GPHN: variants seen among roughly 807,000 people sequenced by gnomAD.
The protein encoded by GPHN is gephyrin.
In GPHN, 17 loss-of-function variants were observed where a neutral mutation model predicts 95.5. The observed-to-expected ratio is 0.18, with a 90% CI of 0.12 to 0.27. The LOEUF (loss-of-function observed/expected upper bound fraction) is 0.27, where lower values mean the gene tolerates loss of function less well. Among genes scored for constraint, GPHN ranks in the 10% least tolerant of loss-of-function variants. The probability of loss-of-function intolerance (pLI) is 1.00; values close to 1 mark genes in which losing one functional copy is unlikely to be tolerated. For missense variants in GPHN, 660 were observed against 978.1 expected, an observed-to-expected ratio of 0.67 and a Z score of 4.34; for synonymous variants, 320 against 322.5, an observed-to-expected ratio of 0.99 and a Z score of 0.08.
At chr14:66,761,165 C>G in intron 2 of GPHN, 1 of 339,048 alleles carries the variant, frequency 2.9e-6, no homozygotes, top group South Asian at 2.5e-5. Context: ...TACAAAACAT[C>G]AGATATTACG....
chr14:66,874,086 C>A, intron 4 of GPHN, among the ~76,000 whole-genome samples: 1 of 152,194 alleles, frequency 6.6e-6, no homozygotes, highest in East Asian at 1.9e-4. Context: ...TGTTCTGCAG[C>A]CTTTGCTAGT....
chr14:67,027,608 C>G (rs2073993084), intron 10 of GPHN, among the ~76,000 whole-genome samples: 1 of 152,200 alleles, frequency 6.6e-6, no homozygotes, highest in South Asian at 2.1e-4. Flanking sequence ...AGATTACAGG[C>G]ATGAGCCACG....
chr14:66,900,912 C>T (rs1322228570), intron 5 of GPHN, among the ~76,000 whole-genome samples: 1 of 151,870 alleles, frequency 6.6e-6, no homozygotes, highest in Non-Finnish European at 1.5e-5. Flanking sequence ...TCCAGCAGTG[C>T]AATTGCTGGA....
chr14:66,583,331 A>C (rs1441353088), intron 1 of GPHN, among the ~76,000 whole-genome samples: 1 of 152,116 alleles, frequency 6.6e-6, no homozygotes, highest in Non-Finnish European at 1.5e-5. Flanking sequence ...CCCAATCTGT[A>C]GGTTGCCTGT....
At chr14:67,316,578 C>G in the GPHN span, among the ~76,000 whole-genome samples, 1 of 151,988 alleles carries the variant, frequency 6.6e-6, no homozygotes, top group Non-Finnish European at 1.5e-5. Flanking sequence ...AAAAGTTGAA[C>G]TATTAAATTT....
chr14:67,552,595 G>T, the GPHN span, among the ~76,000 whole-genome samples: 1 of 152,008 alleles, frequency 6.6e-6, no homozygotes, highest in Non-Finnish European at 1.5e-5. Flanking sequence ...GTGAAACCCC[G>T]TCTCTTCTAA....
the GPHN span, chr14:67,381,599 A>T: frequency 6.2e-7 from 1 of 1,612,306 alleles, no homozygotes; most frequent in East Asian, 2.2e-5. Flanking sequence ...GTAGATATTG[A>T]AGTGGCTTGT....
downstream of GPHN, among the ~76,000 whole-genome samples, chr14:67,184,357 T>C (rs538432853): frequency 6.6e-6 from 1 of 152,238 alleles, no homozygotes; most frequent in African/African-American, 2.4e-5. Flanking sequence ...GGAAAACGCT[T>C]TGGCAGCCTT....
the GPHN span, among the ~76,000 whole-genome samples, chr14:67,341,994 G>A: frequency 4.6e-5 from 7 of 151,682 alleles, no homozygotes; most frequent in East Asian, 7.8e-4. Flanking sequence ...CAGCATGCTC[G>A]TTAAGAGTCA....
At chr14:66,652,715 G>A (rs1003088520) in intron 1 of GPHN, among the ~76,000 whole-genome samples, 7 of 152,108 alleles carry the variant, frequency 4.6e-5, no homozygotes, top group Non-Finnish European at 8.8e-5. Flanking sequence ...AAGCAATTCG[G>A]TGGGGCAATT....
chr14:67,438,196 G>C, the GPHN span, among the ~76,000 whole-genome samples: 3 of 152,172 alleles, frequency 2.0e-5, no homozygotes, highest in African/African-American at 7.2e-5. Context: ...TCTCCCCTGA[G>C]CCTCCCTCCT....
chr14:67,136,059 A>G (rs1217010235), intron 17 of GPHN, among the ~76,000 whole-genome samples: 1 of 152,194 alleles, frequency 6.6e-6, no homozygotes, highest in Non-Finnish European at 1.5e-5. Context: ...TTAGTGTTTT[A>G]ATTGCTTATT....
intron 2 of GPHN, among the ~76,000 whole-genome samples, chr14:66,722,510 C>G (rs1319255167): frequency 2.0e-5 from 3 of 152,126 alleles, no homozygotes; most frequent in Non-Finnish European, 4.4e-5. Flanking sequence ...GTGTAGCTAT[C>G]ATAGCTCACT....
At chr14:67,222,839 G>C in the GPHN span, among the ~76,000 whole-genome samples, 1 of 151,752 alleles carries the variant, frequency 6.6e-6, no homozygotes, top group Non-Finnish European at 1.5e-5. Context: ...CATTTAACTT[G>C]GCATAAGTGA....
chr14:67,557,079 C>T, the GPHN span, among the ~76,000 whole-genome samples: 1 of 152,188 alleles, frequency 6.6e-6, no homozygotes, highest in African/African-American at 2.4e-5. Flanking sequence ...AAATGAGTTT[C>T]TTCTTTGTCA....
intron 2 of GPHN, among the ~76,000 whole-genome samples, chr14:66,681,633 C>T (rs980817176): frequency 7.2e-5 from 11 of 152,070 alleles, no homozygotes; most frequent in South Asian, 4.1e-4. Flanking sequence ...TGATGTTTTA[C>T]ATATGGCACA....
the GPHN span, chr14:67,382,806 T>C: frequency 3.6e-6 from 2 of 549,914 alleles, no homozygotes; most frequent in South Asian, 2.2e-5. Context: ...TGAATTTGCA[T>C]GTGGCATGTC....
the GPHN span, chr14:67,347,346 T>A: frequency 3.7e-6 from 5 of 1,345,052 alleles, no homozygotes; most frequent in Non-Finnish European, 5.3e-6. Context: ...AGAACTTAGT[T>A]CATTTAAAGA....
At chr14:66,544,593 AT>A (rs1430576631) in intron 1 of GPHN, among the ~76,000 whole-genome samples, 1 of 145,196 alleles carries the variant, frequency 6.9e-6, no homozygotes, top group Non-Finnish European at 1.5e-5. Flanking sequence ...TTTTTTTTTA[AT>A]TTATTTATTT....
Sources: gnomAD v4.1 joint callset for allele counts (sites outside exome capture counted in the v4.1 genomes callset) on GRCh38, gnomAD v4.1.1 for gene constraint, MANE v1.5 for transcripts, NCBI Gene and HGNC (gene_info 2026-07-23, HGNC 2026-07-21) for gene names.